The following PHACTR4 variants were observed in gnomAD, a reference collection of about 807,000 sequenced individuals.
PHACTR4 encodes phosphatase and actin regulator 4, also known as protein phosphatase 1, regulatory subunit 124.
PHACTR4 carries 51 observed loss-of-function variants against 72.7 expected under a neutral mutation model. The observed-to-expected ratio is 0.70, with a 90% CI of 0.56 to 0.89. The LOEUF is 0.89. Among genes scored for constraint, PHACTR4 ranks in the 40% least tolerant of loss-of-function variants. The pLI is 0.00. For missense variants in PHACTR4, 731 were observed against 861.8 expected, an observed-to-expected ratio of 0.85 and a Z score of 1.90; for synonymous variants, 255 against 302.5, an observed-to-expected ratio of 0.84 and a Z score of 1.63.
chr1:28,394,832 G>T (rs1653362260), intron 1 of PHACTR4, among the ~76,000 whole-genome samples: 1 of 151,730 alleles, frequency 6.6e-6, no homozygotes, highest in South Asian at 2.1e-4. Flanking sequence ...CCGACCTCAG[G>T]TGTTCCACCT....
At chr1:28,387,256 T>C (rs1652629332) in intron 1 of PHACTR4, among the ~76,000 whole-genome samples, 1 of 102,514 alleles carries the variant, frequency 9.8e-6, no homozygotes. Context: ...CGAGACCCTG[T>C]CTCAAAAAAA....
chr1:28,467,897 A>G (rs1287394700), intron 6 of PHACTR4, among the ~76,000 whole-genome samples: 7 of 152,166 alleles, frequency 4.6e-5, no homozygotes, highest in African/African-American at 1.7e-4. Flanking sequence ...CAAGAAAGGG[A>G]GAGGAAAGCT....
chr1:28,471,521 C>CTTT (rs71675377), intron 6 of PHACTR4, among the ~76,000 whole-genome samples: 140 of 143,184 alleles, frequency 9.8e-4, no homozygotes, highest in African/African-American at 2.1e-3. Context: ...AAAAGAACTA[C>CTTT]TTTTTTTTTT....
intron 1 of PHACTR4, among the ~76,000 whole-genome samples, chr1:28,403,474 A>G (rs776357957): frequency 2.2e-4 from 34 of 152,206 alleles, no homozygotes; most frequent in Non-Finnish European, 4.6e-4. Context: ...CAGTCCTGTC[A>G]TTCCTTAATG....
intron 1 of PHACTR4, among the ~76,000 whole-genome samples, chr1:28,371,229 G>C (rs553076281): frequency 6.6e-6 from 1 of 152,258 alleles, no homozygotes; most frequent in East Asian, 1.9e-4. Context: ...CCTTCCACCA[G>C]AGGCTCCCAG....
chr1:28,403,314 G>A (rs1423388041), intron 1 of PHACTR4, among the ~76,000 whole-genome samples: 1 of 152,188 alleles, frequency 6.6e-6, no homozygotes, highest in Non-Finnish European at 1.5e-5. Context: ...ACCTTTTAGA[G>A]TTGTCTTATA....
At chr1:28,393,910 G>T (rs1222301243) in intron 1 of PHACTR4, among the ~76,000 whole-genome samples, 1 of 151,536 alleles carries the variant, frequency 6.6e-6, no homozygotes, top group Non-Finnish European at 1.5e-5. Flanking sequence ...ACAAGGTTTT[G>T]CCATGTTGCC....
intron 9 of PHACTR4, 117 bp downstream of exon 9, chr1:28,480,721 T>A: frequency 1.5e-6 from 2 of 1,355,486 alleles, no homozygotes; most frequent in Non-Finnish European, 2.0e-6. Context: ...GACAGGGTCT[T>A]GCTCTGTCAC....
rs1250741788 is a variant in PHACTR4 at position 28,460,316 on chromosome 1, A to G, written c.271+24A>G. 10 of 1,525,030 alleles carry G rather than the reference A, an allele frequency of 6.6e-6. No individual in the cohort carries two copies. In the Admixed American group the frequency reaches 6.8e-5, roughly 10 times the overall value. 94.5% of individuals were successfully genotyped at this position (1,525,030 alleles called of 1,614,324 possible). A position where few individuals can be genotyped will look rare whatever the true frequency, so the allele number is the denominator to read the frequency against. On this transcript the variant is annotated intron_variant, in intron 4 of 13. Coordinates refer to ENST00000373839, the MANE Select transcript of PHACTR4 (RefSeq NM_001048183.3). ...AGGTGAGTTTACAAATAAATAGCAT[A>G]TGCCTGTCTCTGTGCACTTGGTCTT...
At chr1:28,413,916 A>G (rs2124311006) in intron 2 of PHACTR4, among the ~76,000 whole-genome samples, 1 of 152,236 alleles carries the variant, frequency 6.6e-6, no homozygotes, top group Middle Eastern at 3.4e-3. Context: ...ACATTCTCAT[A>G]TCAGTATCAG....
At chr1:28,431,750 A>G (rs778956521) in intron 2 of PHACTR4, among the ~76,000 whole-genome samples, 23 of 152,208 alleles carry the variant, frequency 1.5e-4, no homozygotes, top group Non-Finnish European at 2.4e-4. Context: ...ATTTTAACAA[A>G]TCAGCATTAG....
chr1:28,378,576 C>A lies in PHACTR4; in HGVS notation c.-39+8751C>A, dbSNP rs536743756. 8.0e-4 allele frequency among the ~76,000 whole-genome samples: 103 copies of A among 128,348 alleles called. 2 individuals carry two copies. The highest frequency in any genetic ancestry group is 3.8e-3 in the East Asian group (19 of 4,956). The allele number at this position is 128,348 out of a possible 152,430, so 84.2% of individuals were successfully genotyped here. On this transcript the variant is annotated intron_variant, in intron 1 of 13. Transcript: ENST00000373839. ...TCTTTCTTTCTCCCCCCAGCCCCCC[C>A]CCCCTTTTTTTTTAACAACCCAAGG...
At chr1:28,393,430 G>C (rs1480811035) in intron 1 of PHACTR4, among the ~76,000 whole-genome samples, 1 of 152,162 alleles carries the variant, frequency 6.6e-6, no homozygotes, top group African/African-American at 2.4e-5. Flanking sequence ...CTGCACAAAT[G>C]ATGGTGGTCT....
chr1:28,465,247 G>A (rs1659066709), intron 4 of PHACTR4, among the ~76,000 whole-genome samples: 1 of 152,066 alleles, frequency 6.6e-6, no homozygotes, highest in East Asian at 1.9e-4. Flanking sequence ...AGATCACGAG[G>A]TCAGGAGATC....
intron 2 of PHACTR4, among the ~76,000 whole-genome samples, chr1:28,428,944 T>C (rs949862706): frequency 2.6e-5 from 4 of 152,210 alleles, no homozygotes; most frequent in Non-Finnish European, 4.4e-5. Flanking sequence ...ATGGGAAAGC[T>C]GAGATTTTAC....
intron 1 of PHACTR4, among the ~76,000 whole-genome samples, chr1:28,390,457 C>A (rs1039255085): frequency 8.5e-5 from 13 of 152,154 alleles, no homozygotes; most frequent in Non-Finnish European, 1.9e-4. Context: ...AAACTGTAGA[C>A]CAAGGCTTTT....
At position 28,464,696 on chromosome 1, in the gene PHACTR4, C is replaced by T. The variant is rs537742731; in HGVS notation, c.272-989C>T. Among the ~76,000 whole-genome samples the T allele has an allele frequency of 5.3e-5, 8 of 152,070 alleles. No homozygotes were observed. The East Asian group carries it at 5.8e-4, about 11-fold the overall frequency. ...TACTTATATATAAGTTTGCCCTATTCGTTTGTCTTTTTTTTTCTTTCTTTG... is the reference window on the plus strand; with the variant it reads ...TACTTATATATAAGTTTGCCCTATTTGTTTGTCTTTTTTTTTCTTTCTTTG... On this transcript the variant is annotated intron_variant, in intron 4 of 13. Transcript: ENST00000373839.
chr1:28,477,729 G>T (rs1660013961), intron 8 of PHACTR4, among the ~76,000 whole-genome samples: 2 of 151,616 alleles, frequency 1.3e-5, no homozygotes, highest in African/African-American at 4.8e-5. Context: ...GTCTCACTCT[G>T]CAGGCTAGAG....
chr1:28,416,741 C>T (rs890966403), intron 2 of PHACTR4, among the ~76,000 whole-genome samples: 1 of 152,154 alleles, frequency 6.6e-6, no homozygotes, highest in Admixed American at 6.5e-5. Flanking sequence ...CCTGGACAGA[C>T]GATGATATAT....
Sources: allele counts gnomAD v4.1 joint callset (sites outside exome capture counted in the v4.1 genomes callset), GRCh38; gene constraint gnomAD v4.1.1; transcripts MANE v1.5; gene names NCBI Gene and HGNC (gene_info 2026-07-23, HGNC 2026-07-21).